VWDE: variants seen among roughly 807,000 people sequenced by gnomAD.
VWDE encodes von Willebrand factor D and EGF domain-containing protein.
In VWDE, 207 loss-of-function variants were observed where a neutral mutation model predicts 178.4. That is an observed-to-expected ratio of 1.16 (90% CI 1.04 to 1.30). The LOEUF (loss-of-function observed/expected upper bound fraction) is 1.30, where lower values mean the gene tolerates loss of function less well. VWDE is among the 50% of genes most tolerant of loss of function. The pLI is 0.00. For synonymous variants in VWDE, 738 were observed against 651.4 expected, an observed-to-expected ratio of 1.13 and a Z score of -2.02; for missense variants, 2,287 against 1,901.3, an observed-to-expected ratio of 1.20 and a Z score of -3.77.
At chr7:12,387,889 G>T (rs62448591) in intron 3 of VWDE, among the ~76,000 whole-genome samples, 15,421 of 151,976 alleles carry the variant, frequency 0.1, 1,035 homozygotes, top group Non-Finnish European at 0.14. Flanking sequence ...TTCACAAAAA[G>T]GTCGCAAAAA....
intron 1 of VWDE, 69 bp downstream of exon 1, chr7:12,403,590 T>C: frequency 6.9e-7 from 1 of 1,451,106 alleles, no homozygotes; most frequent in African/African-American, 1.4e-5. Flanking sequence ...CCAAAAAGTC[T>C]AGCCTAGTCC....
At chr7:12,374,289 T>G (rs891878440) in intron 9 of VWDE, among the ~76,000 whole-genome samples, 2 of 152,164 alleles carry the variant, frequency 1.3e-5, no homozygotes, top group African/African-American at 4.8e-5. Context: ...GACTTAGGAG[T>G]AATTAGTTTT....
chr7:12,370,341 A>G lies in VWDE; in HGVS notation c.1965T>C (p.His655=), dbSNP rs1426354104. 3 of 1,551,320 alleles carry G rather than the reference A, an allele frequency of 1.9e-6. No individual in the cohort carries two copies. The South Asian group carries it at 3.6e-5, about 18-fold the overall frequency. ...CTGGTATCAAAGAAGATAAGCTGAC[A>G]TGATTGAGGTCTTTGCAACCCAAGG... The part of the protein sequence containing the change: ...EIALGCKDLN[H]VSLSSLIPEL... Residue 655 remains histidine, a synonymous_variant, in exon 12 of 29, where the codon CAT becomes CAC. Coordinates refer to ENST00000275358, the MANE Select transcript of VWDE (RefSeq NM_001135924.3).
intron 1 of VWDE, among the ~76,000 whole-genome samples, chr7:12,397,977 T>C (rs764583742): frequency 6.6e-6 from 1 of 152,130 alleles, no homozygotes; most frequent in Admixed American, 6.6e-5. Flanking sequence ...GTAAATTAAA[T>C]CAGTCACTAT....
At position 12,389,093 on chromosome 7, in the gene VWDE, A is replaced by G. The variant is rs1189576547; in HGVS notation, c.475+34T>C. 8.0e-6 allele frequency: 11 copies of G among 1,369,508 alleles called. No individual in the cohort carries two copies. In the African/African-American group the frequency reaches 1.0e-4, roughly 13 times the overall value. 84.8% of individuals were successfully genotyped at this position (1,369,508 alleles called of 1,614,324 possible). Reference sequence around the variant, plus strand: ...TGGTACGAATGGCAGAGTTCCATGAATAACAGTCATGTGAATTACTGGTGT... The same window carrying G: ...TGGTACGAATGGCAGAGTTCCATGAGTAACAGTCATGTGAATTACTGGTGT... On this transcript the variant is annotated intron_variant, in intron 3 of 28. Coordinates refer to ENST00000275358, the MANE Select transcript of VWDE (RefSeq NM_001135924.3).
At chr7:12,402,631 T>G (rs1366314212) in intron 1 of VWDE, among the ~76,000 whole-genome samples, 2 of 152,240 alleles carry the variant, frequency 1.3e-5, no homozygotes, top group Non-Finnish European at 2.9e-5. Context: ...TATATGTTAT[T>G]ACATGTATTT....
chr7:12,354,328 A>G (rs1386334686), intron 18 of VWDE: 1 of 406,980 alleles, frequency 2.5e-6, no homozygotes, highest in East Asian at 7.3e-5. Flanking sequence ...AAAATCTCAT[A>G]GCAGAAAATA....
chr7:12,348,880 G>A (rs1781763471), intron 19 of VWDE, among the ~76,000 whole-genome samples: 1 of 151,630 alleles, frequency 6.6e-6, no homozygotes, highest in Non-Finnish European at 1.5e-5. Flanking sequence ...TATACACCAT[G>A]GAATACTATG....
chr7:12,384,301 C>G (rs75953410), intron 3 of VWDE, among the ~76,000 whole-genome samples: 1 of 151,900 alleles, frequency 6.6e-6, no homozygotes, highest in Non-Finnish European at 1.5e-5. Context: ...GAAAAAACAA[C>G]ACTATGGAGA....
At chr7:12,397,892 T>C (rs568701015) in intron 1 of VWDE, among the ~76,000 whole-genome samples, 1 of 152,224 alleles carries the variant, frequency 6.6e-6, no homozygotes, top group African/African-American at 2.4e-5. Context: ...ATCACTATTA[T>C]TAAAAAGTCA....
chr7:12,402,678 GCAAAC>G (rs148795817), intron 1 of VWDE, among the ~76,000 whole-genome samples: 22,471 of 151,966 alleles, frequency 0.15, 1,924 homozygotes, highest in African/African-American at 0.23. Context: ...AACGCTGTAA[GCAAAC>G]CAAAGAAGGA....
rs755364492 is a variant in VWDE, at chr7:12,343,195, T to C, written c.4079-17A>G. On this transcript the variant is annotated splice_polypyrimidine_tract_variant and intron_variant, in intron 21 of 28. Transcript: ENST00000275358. ...TACAATGTTCTGCAGAAACAGATTA[T>C]GTTATTATGTCAGTTCTTAATTTTT... 7.7e-5 allele frequency: 117 copies of C among 1,526,382 alleles called. 1 individual carries two copies. In the Middle Eastern group the frequency reaches 8.5e-4, roughly 11 times the overall value. 94.6% of individuals were successfully genotyped at this position (1,526,382 alleles called of 1,614,324 possible). A position where few individuals can be genotyped will look rare whatever the true frequency, so the allele number is the denominator to read the frequency against.
chr7:12,385,161 A>G (rs1659987), intron 3 of VWDE, among the ~76,000 whole-genome samples: 59,922 of 132,302 alleles, frequency 0.45, 13,322 homozygotes, highest in African/African-American at 0.63. Context: ...TAGATTGTGT[A>G]AATATATACA....
At chr7:12,340,225 C>T in intron 24 of VWDE, 97 bp downstream of exon 24, 2 of 932,648 alleles carry the variant, frequency 2.1e-6, no homozygotes, top group East Asian at 2.7e-5. Context: ...GAAAAAATCG[C>T]ATCTTTCCCT....
chr7:12,372,043 T>G (rs1452851763), intron 10 of VWDE, among the ~76,000 whole-genome samples: 1 of 152,138 alleles, frequency 6.6e-6, no homozygotes, highest in Admixed American at 6.6e-5. Flanking sequence ...ATGTACTATC[T>G]CTACGCTTCC....
rs1470288191 is a variant in VWDE, at chr7:12,403,738, G to A, written c.-22C>T. On this transcript the variant is annotated 5_prime_UTR_variant, in exon 1 of 29. Coordinates refer to ENST00000275358, the MANE Select transcript of VWDE (RefSeq NM_001135924.3). ...GCATCGCTGCTTCCGCAGGTGGGGC[G>A]AAAGGCGTCGCAGAGCCCGGGCCGC... The A allele has an allele frequency of 5.8e-6, 9 of 1,549,974 alleles. No homozygotes were observed. The East Asian group carries it at 1.2e-4, about 21-fold the overall frequency.
At chr7:12,396,584 G>A (rs187954795) in intron 1 of VWDE, among the ~76,000 whole-genome samples, 2 of 152,180 alleles carry the variant, frequency 1.3e-5, no homozygotes, top group Non-Finnish European at 2.9e-5. Context: ...GAATTTTGTT[G>A]GAAAACCATT....
rs762813183 is a variant in VWDE at position 12,374,728 on chromosome 7, T to C, written c.1277A>G (p.Tyr426Cys). 89 of 1,541,294 alleles carry C rather than the reference T, an allele frequency of 5.8e-5. No homozygotes were observed. In the South Asian group the frequency reaches 7.4e-4, roughly 13 times the overall value. The change falls in exon 9 of 29, where the codon TAT (tyrosine) becomes TGT (cysteine). Residue 426 changes from tyrosine to cysteine, a missense_variant. By Grantham distance (194) the Tyr-to-Cys change is radical. Coordinates refer to ENST00000275358, the MANE Select transcript of VWDE (RefSeq NM_001135924.3). ...KVKDVPTAYC[Y>C]TFTDPHIITF... ...AATTATATGTGGGTCAGTAAATGTA[T>C]AGCAGTAAGCAGTTGGGACATCCTT...
chr7:12,370,464 C>A lies in VWDE; in HGVS notation c.1842G>T (p.Met614Ile). ...AATAGGATGGCTTTCCAGGTGATGT[C>A]ATAGAAACTGGCAGTGTGTCAGACA... ...KSMSDTLPVS[M>I]TSPGKPSYCS... Residue 614 changes from methionine to isoleucine, a missense_variant, in exon 12 of 29, where the codon ATG becomes ATT. Met to Ile is a conservative substitution (Grantham distance 10). Coordinates refer to ENST00000275358, the MANE Select transcript of VWDE (RefSeq NM_001135924.3). 1 of 1,542,286 alleles carries A rather than the reference C, an allele frequency of 6.5e-7. No individual in the cohort carries two copies.
Sources: allele counts gnomAD v4.1 joint callset (sites outside exome capture counted in the v4.1 genomes callset), GRCh38; gene constraint gnomAD v4.1.1; transcripts MANE v1.5; gene names NCBI Gene and HGNC (gene_info 2026-07-23, HGNC 2026-07-21).